The following TENM3 variants were observed in gnomAD, a reference collection of about 807,000 sequenced individuals.
The protein encoded by TENM3 is teneurin-3.
Under a neutral mutation model 255.1 loss-of-function variants are expected in TENM3, and 63 were observed. The observed-to-expected ratio is 0.25, with a 90% confidence interval of 0.20 to 0.30. TENM3 has a LOEUF of 0.30. TENM3 is among the 10% of genes least tolerant of loss of function. The probability of loss-of-function intolerance (pLI) is 1.00; values close to 1 mark genes in which losing one functional copy is unlikely to be tolerated. For synonymous variants in TENM3, 1,306 were observed against 1,322.3 expected (o/e 0.99, Z 0.27); for missense variants, 2,929 against 3,461.1 (o/e 0.85, Z 3.86).
chr4:181,914,930 A>C, the TENM3 span, among the ~76,000 whole-genome samples: 1 of 152,306 alleles, frequency 6.6e-6, no homozygotes, highest in Middle Eastern at 3.4e-3. Context: ...ATTATGTAGC[A>C]TTACAAGCCT....
In TENM3 at chr4:182,506,379, T is replaced by A. The variant is rs142016981; in HGVS notation, c.512-94545T>A. ...CATTACCTTAAGCTAAATTTCTCCA[T>A]CTGTAAAATGGGAGTAGTAACATTT... On this transcript the variant is annotated intron_variant, in intron 3 of 27. Coordinates refer to ENST00000511685, the MANE Select transcript of TENM3 (RefSeq NM_001080477.4). Among the ~76,000 whole-genome samples, 732 of 152,312 alleles carry A rather than the reference T, an allele frequency of 4.8e-3. 4 individuals are homozygous for A. Among genetic ancestry groups the A allele is most frequent in the Non-Finnish European group, 7.1e-3 (484 of 68,030 alleles).
chr4:182,756,410 G>C (rs933977261), intron 22 of TENM3, among the ~76,000 whole-genome samples: 1 of 152,168 alleles, frequency 6.6e-6, no homozygotes, highest in Non-Finnish European at 1.5e-5. Flanking sequence ...ATCAGCTGTT[G>C]AGTATGTTAG....
intron 4 of TENM3, among the ~76,000 whole-genome samples, chr4:182,613,642 ACT>A (rs1188145483): frequency 1.3e-5 from 2 of 152,006 alleles, no homozygotes; most frequent in Admixed American, 6.6e-5. Context: ...TCTTCTTAAC[ACT>A]CTCTAGAATT....
At chr4:182,250,270 T>G (rs934146418) in intron 1 of TENM3, among the ~76,000 whole-genome samples, 1 of 152,020 alleles carries the variant, frequency 6.6e-6, no homozygotes, top group South Asian at 2.1e-4. Flanking sequence ...GCCAGGATGG[T>G]CTCGATCTCC....
intron 22 of TENM3, among the ~76,000 whole-genome samples, chr4:182,764,842 A>G (rs1461341975): frequency 2.6e-5 from 4 of 152,306 alleles, no homozygotes; most frequent in East Asian, 3.9e-4. Flanking sequence ...GGACAGCAAC[A>G]TAGCCAATCT....
the TENM3 span, among the ~76,000 whole-genome samples, chr4:181,515,234 G>A: frequency 1.3e-5 from 2 of 152,068 alleles, no homozygotes; most frequent in Non-Finnish European, 2.9e-5. Context: ...TTTTCTACTT[G>A]GAAACATCAT....
At chr4:181,766,268 C>A in the TENM3 span, among the ~76,000 whole-genome samples, 2 of 152,126 alleles carry the variant, frequency 1.3e-5, no homozygotes, top group African/African-American at 4.8e-5. Flanking sequence ...TAAAGGACAG[C>A]AAATAAAACT....
the TENM3 span, among the ~76,000 whole-genome samples, chr4:181,554,262 A>C: frequency 6.6e-6 from 1 of 152,148 alleles, no homozygotes; most frequent in Non-Finnish European, 1.5e-5. Context: ...ACCCACTGAA[A>C]AGCTGCGGGC....
intron 12 of TENM3, among the ~76,000 whole-genome samples, chr4:182,713,811 A>C (rs944732282): frequency 1.3e-5 from 2 of 152,208 alleles, no homozygotes; most frequent in Non-Finnish European, 2.9e-5. Flanking sequence ...GAAAAAATTT[A>C]AGTTAATTTT....
the TENM3 span, among the ~76,000 whole-genome samples, chr4:181,571,358 A>G: frequency 6.6e-6 from 1 of 152,180 alleles, no homozygotes; most frequent in Non-Finnish European, 1.5e-5. Flanking sequence ...ATTTTTAAAG[A>G]CAGGGTCTCA....
intron 1 of TENM3, among the ~76,000 whole-genome samples, chr4:182,222,103 C>A (rs1755883392): frequency 2.6e-5 from 4 of 152,174 alleles, no homozygotes. Flanking sequence ...TGTTAAACCA[C>A]TAGAATGTAA....
At chr4:181,563,773 C>T in the TENM3 span, among the ~76,000 whole-genome samples, 1 of 152,182 alleles carries the variant, frequency 6.6e-6, no homozygotes, top group Non-Finnish European at 1.5e-5. Flanking sequence ...CAAAATAAGG[C>T]CCATGCTCTT....
intron 3 of TENM3, among the ~76,000 whole-genome samples, chr4:182,439,851 G>A (rs944384411): frequency 3.9e-4 from 60 of 152,210 alleles, no homozygotes; most frequent in African/African-American, 1.4e-3. Context: ...TCTACTTGGG[G>A]CTTCTTCGTC....
chr4:181,586,026 G>A, the TENM3 span, among the ~76,000 whole-genome samples: 1 of 152,160 alleles, frequency 6.6e-6, no homozygotes, highest in Non-Finnish European at 1.5e-5. Flanking sequence ...TTAATCATTA[G>A]AATGTAGGGT....
At chr4:181,803,700 C>T in the TENM3 span, among the ~76,000 whole-genome samples, 5 of 152,026 alleles carry the variant, frequency 3.3e-5, no homozygotes, top group East Asian at 9.7e-4. Context: ...TACCATGGCT[C>T]ATGCCTTTAA....
the TENM3 span, among the ~76,000 whole-genome samples, chr4:181,709,470 T>C: frequency 6.6e-6 from 1 of 152,250 alleles, no homozygotes; most frequent in African/African-American, 2.4e-5. Context: ...AAGAGATCAC[T>C]ACTGGGAATG....
At chr4:182,256,273 G>C (rs982051112) in intron 1 of TENM3, among the ~76,000 whole-genome samples, 1 of 152,172 alleles carries the variant, frequency 6.6e-6, no homozygotes, top group Non-Finnish European at 1.5e-5. Context: ...TCGATTATGG[G>C]CTCCATCTCA....
chr4:181,922,846 T>A, the TENM3 span, among the ~76,000 whole-genome samples: 15 of 152,060 alleles, frequency 9.9e-5, no homozygotes, highest in Admixed American at 8.5e-4. Context: ...ATTTTGGATC[T>A]TTCCTGCTTT....
the TENM3 span, among the ~76,000 whole-genome samples, chr4:181,808,101 G>A: frequency 1.3e-5 from 2 of 152,168 alleles, no homozygotes; most frequent in Non-Finnish European, 2.9e-5. Flanking sequence ...CCTAACCACA[G>A]ATAAAAAATT....
Sources: gnomAD v4.1 joint callset for allele counts (sites outside exome capture counted in the v4.1 genomes callset) on GRCh38, gnomAD v4.1.1 for gene constraint, MANE v1.5 for transcripts, NCBI Gene and HGNC (gene_info 2026-07-23, HGNC 2026-07-21) for gene names.